Variants in GAS6 observed in about 807,000 individuals in gnomAD.
The protein encoded by GAS6 is growth arrest-specific protein 6.
A neutral mutation model predicts 75.8 loss-of-function variants in GAS6; 41 were observed. That is an observed-to-expected ratio of 0.54 (90% CI 0.42 to 0.70). The LOEUF is 0.70. GAS6 is among the 30% of genes least tolerant of loss of function. GAS6 has a pLI of 0.00. For synonymous variants in GAS6, 432 were observed against 412.6 expected (o/e 1.05, Z -0.57); for missense variants, 854 against 940.2 (o/e 0.91, Z 1.20).
rs2051852582 is a variant in GAS6 at position 113,848,820 on chromosome 13, C to A, written c.256-770G>T. ...TTTACACTATTTTATGAAATCCTCA[C>A]AAATAACACCCAGGAAGGTCTTTTT... On this transcript the variant is annotated intron_variant, in intron 2 of 14. Coordinates refer to ENST00000327773, the MANE Select transcript of GAS6 (RefSeq NM_000820.4). This position sits in a 1 kb window ranked among gnomAD's most constrained non-coding sequence, Gnocchi z 4.8. 1.3e-5 allele frequency among the ~76,000 whole-genome samples: 2 copies of A among 152,182 alleles called. No individual in the cohort carries two copies. The highest frequency in any genetic ancestry group is 4.1e-4 in the South Asian group (2 of 4,838).
chr13:113,841,551 TTTCCTCCATACACCCCA>T, intron 4 of GAS6: 1 of 139,788 alleles, frequency 7.2e-6, no homozygotes, highest in Non-Finnish European at 1.5e-5. Flanking sequence ...TACGCCCCGG[TTTCCTCCATACACCCCA>T]CAGTTTCCTC....
intron 14 of GAS6, chr13:113,821,247 G>A (rs2051454042): frequency 8.6e-6 from 5 of 581,180 alleles, no homozygotes; most frequent in Middle Eastern, 4.5e-4. Flanking sequence ...TCCCTTCCCC[G>A]CTGGGAGCAC....
At chr13:113,833,865 T>A in intron 8 of GAS6, 1 of 1,028,378 alleles carries the variant, frequency 9.7e-7, no homozygotes, top group South Asian at 2.9e-5. Context: ...CAGGTCGGTG[T>A]GAGACACTGG....
intron 5 of GAS6, chr13:113,839,492 G>A: frequency 2.1e-6 from 1 of 486,146 alleles, no homozygotes. Flanking sequence ...CCTTCAATCA[G>A]TGGGTGCTGA....
chr13:113,860,854 G>A (rs57898486), intron 2 of GAS6, among the ~76,000 whole-genome samples: 12,006 of 152,198 alleles, frequency 0.079, 569 homozygotes, highest in African/African-American at 0.14. Context: ...CCAGAGCCTG[G>A]GAGGGGTGCT....
chr13:113,828,196 G>A (rs952524600), intron 11 of GAS6, among the ~76,000 whole-genome samples: 47 of 152,172 alleles, frequency 3.1e-4, no homozygotes, highest in Non-Finnish European at 4.1e-4. Context: ...CCCGGGAGGC[G>A]GAGCTTGCAG....
chr13:113,828,575 G>A lies in GAS6; in HGVS notation c.1280C>T (p.Pro427Leu). 6.2e-7 allele frequency: 1 copy of A among 1,613,468 alleles called. No homozygotes were observed. Among genetic ancestry groups the A allele is most frequent in the South Asian group, 1.1e-5 (1 of 91,076 alleles). ...CTGCACGAGGTCCTTCTCATGGAAG[G>A]GAATACCTCCCACGGTCAGGTTCAG... Reference protein sequence around the residue: ...YHLNLTVGGIPFHEKDLVQPI... With the variant: ...YHLNLTVGGILFHEKDLVQPI... Residue 427 changes from proline to leucine, a missense_variant, in exon 11 of 15, where the codon CCC (proline) becomes CTC (leucine). Coordinates refer to ENST00000327773, the MANE Select transcript of GAS6 (RefSeq NM_000820.4).
intron 7 of GAS6, among the ~76,000 whole-genome samples, chr13:113,835,057 G>C (rs945204940): frequency 6.6e-6 from 1 of 152,236 alleles, no homozygotes; most frequent in African/African-American, 2.4e-5. Context: ...GGTCAGTGCA[G>C]GCAGCCTGGG....
intron 5 of GAS6, chr13:113,838,952 T>C (rs2051747307): frequency 1.1e-5 from 2 of 181,026 alleles, no homozygotes; most frequent in Non-Finnish European, 2.3e-5. Flanking sequence ...TCATGGCCCC[T>C]GGTCCTGGCC....
chr13:113,841,066 C>T (rs1189987713), intron 4 of GAS6: 3 of 152,300 alleles, frequency 2.0e-5, no homozygotes, highest in African/African-American at 7.2e-5. Flanking sequence ...CTGAGGCTCC[C>T]AAGGTGACGT....
chr13:113,854,416 G>A (rs56892238), intron 2 of GAS6, among the ~76,000 whole-genome samples: 14,502 of 152,276 alleles, frequency 0.095, 909 homozygotes, highest in East Asian at 0.17. Context: ...GACTCGCCCC[G>A]CATGGCAGTG....
At chr13:113,861,625 T>A (rs567337111) in intron 2 of GAS6, among the ~76,000 whole-genome samples, 1 of 151,920 alleles carries the variant, frequency 6.6e-6, no homozygotes, top group East Asian at 1.9e-4. Context: ...GAGGATGCAG[T>A]GGAGACTAGG....
At chr13:113,851,343 GTGAGTGAATGGA>G (rs1307876044) in intron 2 of GAS6, among the ~76,000 whole-genome samples, 3 of 149,996 alleles carry the variant, frequency 2.0e-5, no homozygotes, top group Non-Finnish European at 3.0e-5. Flanking sequence ...GGGTGGATGG[GTGAGTGAATGGA>G]TGAATGAATG....
chr13:113,858,639 G>A (rs2051935926), intron 2 of GAS6, among the ~76,000 whole-genome samples: 1 of 101,850 alleles, frequency 9.8e-6, no homozygotes, highest in Non-Finnish European at 1.8e-5. Flanking sequence ...ATGTCTGTGT[G>A]TTTGTGACTG....
Position 113,835,499 on chromosome 13 carries a change from C to T in GAS6, c.712+14G>A, listed in dbSNP as rs373460589. On this transcript the variant is annotated intron_variant, in intron 7 of 14. Transcript: ENST00000327773. The stretch of plus-strand genomic sequence containing the variant: ...GCGTCAGAGAAAGCGAGGGTGACCG[C>T]GTGGCGTGGGTACCTCGGCAAGCCT... 9 of 1,611,520 alleles carry T rather than the reference C, an allele frequency of 5.6e-6. No individual in the cohort carries two copies. Among genetic ancestry groups the T allele is most frequent in the Admixed American group, 1.7e-5 (1 of 59,938 alleles).
chr13:113,820,872 C>A lies in GAS6; in HGVS notation c.2029G>T (p.Ala677Ser). 1.2e-6 allele frequency: 2 copies of A among 1,609,938 alleles called. No homozygotes were observed. Among genetic ancestry groups the A allele is most frequent in the South Asian group, 2.2e-5 (2 of 90,984 alleles). ...CCGCGTCCCGTGGGGGCCTAGGCTG[C>A]GGCGGGCTCCACGGGGGGGCAGGAG... The part of the protein sequence containing the change: ...AHSCPPVEPA[A>S]A Residue 677 changes from alanine (A) to serine (S), a missense_variant, in exon 15 of 15, where the codon GCA becomes TCA. By Grantham distance (99) the Ala-to-Ser change is moderately conservative. Coordinates refer to ENST00000327773, the MANE Select transcript of GAS6 (RefSeq NM_000820.4).
In GAS6 at chr13:113,832,508, A is replaced by G. The variant is rs149844317; in HGVS notation, c.954-20T>C. 1.5e-5 allele frequency: 24 copies of G among 1,593,962 alleles called. No individual in the cohort carries two copies. Among genetic ancestry groups the G allele is most frequent in the Non-Finnish European group, 2.0e-5 (23 of 1,167,992 alleles). On this transcript the variant is annotated intron_variant, in intron 9 of 14. Coordinates refer to ENST00000327773, the MANE Select transcript of GAS6 (RefSeq NM_000820.4). ...ACCAGCCTGGGCACCCACAGGAGAA[A>G]TGAGTCAGCACTGGGCACAGGCAGA...
rs1594213441 is a variant in GAS6 at position 113,863,980 on chromosome 13, C to A, written c.-60G>T. The A allele has an allele frequency of 1.1e-5, 11 of 1,023,990 alleles. No homozygotes were observed. Among genetic ancestry groups the A allele is most frequent in the Non-Finnish European group, 1.2e-5 (10 of 857,154 alleles). The allele number at this position is 1,023,990 out of a possible 1,614,324, so 63.4% of individuals were successfully genotyped here. On this transcript the variant is annotated 5_prime_UTR_variant, in exon 1 of 15. Coordinates refer to ENST00000327773, the MANE Select transcript of GAS6 (RefSeq NM_000820.4). The surrounding 1 kb of genome is among the most constrained non-coding windows in gnomAD (Gnocchi z 9.4). Reference sequence around the variant, plus strand: ...AGGCCGAGGCGAGCCGCGGGCGCCGCGGGGCGGAGGCTCCGGTCATCCCGT... The same window carrying A: ...AGGCCGAGGCGAGCCGCGGGCGCCGAGGGGCGGAGGCTCCGGTCATCCCGT...
intron 6 of GAS6, chr13:113,836,084 C>T: frequency 1.0e-6 from 1 of 984,970 alleles, no homozygotes; most frequent in South Asian, 4.7e-5. Context: ...AAGACTTGAG[C>T]ATCTAATGTG....
Sources: gnomAD v4.1 joint callset for allele counts (sites outside exome capture counted in the v4.1 genomes callset) on GRCh38, gnomAD v4.1.1 for gene constraint, Gnocchi (gnomAD v3.1) non-coding constraint, MANE v1.5 for transcripts, NCBI Gene and HGNC (gene_info 2026-07-23, HGNC 2026-07-21) for gene names.